The following DHX35 variants were observed in gnomAD, a reference collection of about 807,000 sequenced individuals.
DHX35 encodes DEAH-box helicase 35, also known as probable ATP-dependent RNA helicase DHX35.
A neutral mutation model predicts 99.6 loss-of-function variants in DHX35; 84 were observed. The ratio of observed to expected loss-of-function variants is 0.84; its 90% CI spans 0.71 to 1.01. DHX35 has a LOEUF of 1.01. DHX35 is among the 50% of genes least tolerant of loss of function. The pLI is 0.00. For missense variants in DHX35, 852 were observed against 888.5 expected, an observed-to-expected ratio of 0.96 and a Z score of 0.52; for synonymous variants, 331 against 316.2, an observed-to-expected ratio of 1.05 and a Z score of -0.50.
At chr20:39,021,532 G>C (rs1474920156) in intron 15 of DHX35, among the ~76,000 whole-genome samples, 2 of 152,000 alleles carry the variant, frequency 1.3e-5, no homozygotes, top group African/African-American at 2.4e-5. Flanking sequence ...GTCTTGTGCT[G>C]TCACCCTGGC....
At chr20:39,006,916 A>G (rs1219767877) in intron 12 of DHX35, among the ~76,000 whole-genome samples, 1 of 152,186 alleles carries the variant, frequency 6.6e-6, no homozygotes. Flanking sequence ...GCCTTTCTGG[A>G]GCTTTCTATC....
chr20:39,002,626 A>T, intron 9 of DHX35, 146 bp from the exon 10 acceptor site: 1 of 580,752 alleles, frequency 1.7e-6, no homozygotes. Context: ...AAAAAAATGA[A>T]TATTTATTTT....
chr20:39,030,657 A>G lies in DHX35; in HGVS notation c.1884-47A>G, dbSNP rs530556462. The G allele has an allele frequency of 2.5e-4, 381 of 1,547,790 alleles. 9 individuals are homozygous for G. The South Asian group carries it at 3.8e-3, about 16-fold the overall frequency. On this transcript the variant is annotated intron_variant, in intron 19 of 21. Transcript: ENST00000252011. ...AAAATATCTGTGGGAAAGTCTTGCT[A>G]TAAGTATTTAAAATGTGCTTCAGAC... is the stretch of plus-strand genomic sequence containing the variant.
intron 10 of DHX35, among the ~76,000 whole-genome samples, chr20:39,003,543 T>C (rs531449788): frequency 6.6e-6 from 1 of 152,348 alleles, no homozygotes; most frequent in African/African-American, 2.4e-5. Context: ...TAACTAATAG[T>C]GTAGTTGCAA....
intron 1 of DHX35, chr20:38,962,827 A>G (rs754412135): frequency 8.1e-5 from 16 of 197,224 alleles, no homozygotes; most frequent in Non-Finnish European, 1.4e-4. Context: ...CCGGGTTCGA[A>G]TTTTCGTCTC....
chr20:38,964,392 G>T, intron 1 of DHX35, among the ~76,000 whole-genome samples: 1 of 152,118 alleles, frequency 6.6e-6, no homozygotes, highest in Admixed American at 6.6e-5. Context: ...AGGTCTTCAT[G>T]ACAAGTTAAA....
chr20:39,037,379 A>G (rs768360636), intron 21 of DHX35, among the ~76,000 whole-genome samples: 6 of 152,206 alleles, frequency 3.9e-5, no homozygotes, highest in Non-Finnish European at 7.3e-5. Context: ...AGGCCTTTGC[A>G]AGAGCCTGTA....
chr20:39,031,658 G>A (rs1205937571), intron 20 of DHX35, among the ~76,000 whole-genome samples: 2 of 152,170 alleles, frequency 1.3e-5, no homozygotes, highest in Non-Finnish European at 2.9e-5. Context: ...TTTTGACATA[G>A]GGACAGACAC....
Position 39,001,855 on chromosome 20 carries a change from T to C in DHX35, c.755+13T>C. On this transcript the variant is annotated intron_variant, in intron 9 of 21. Coordinates refer to ENST00000252011, the MANE Select transcript of DHX35 (RefSeq NM_021931.4). ...TTTATCTACAAAGGTTTGATGATGC[T>C]TGAATTCTGGATGATGGTGTTTAGA... The C allele has an allele frequency of 6.3e-7, 1 of 1,577,842 alleles. No individual in the cohort carries two copies. The highest frequency in any genetic ancestry group is 8.7e-7 in the Non-Finnish European group (1 of 1,150,414).
intron 4 of DHX35, among the ~76,000 whole-genome samples, chr20:38,984,112 A>G (rs1466035401): frequency 6.6e-6 from 1 of 151,742 alleles, no homozygotes; most frequent in African/African-American, 2.4e-5. Flanking sequence ...GGGTTTCACC[A>G]TGTTGGCCAG....
At chr20:38,999,054 C>T (rs2086475178) in intron 8 of DHX35, among the ~76,000 whole-genome samples, 1 of 152,144 alleles carries the variant, frequency 6.6e-6, no homozygotes, top group Non-Finnish European at 1.5e-5. Context: ...CCGCCTTGGC[C>T]TCCCAAAGTG....
At chr20:39,032,870 G>A (rs905148903) in intron 20 of DHX35, among the ~76,000 whole-genome samples, 9 of 152,170 alleles carry the variant, frequency 5.9e-5, no homozygotes, top group African/African-American at 2.2e-4. Context: ...AGTTGCTTAG[G>A]TTGAAAGCAC....
At chr20:38,989,966 T>C (rs565285847) in intron 5 of DHX35, among the ~76,000 whole-genome samples, 3 of 152,310 alleles carry the variant, frequency 2.0e-5, no homozygotes, top group South Asian at 2.1e-4. Flanking sequence ...CAGAGGAAAA[T>C]TGAAAATCAG....
At position 39,001,780 on chromosome 20, in the gene DHX35, T is replaced by A. The variant is rs150629794; in HGVS notation, c.693T>A (p.Asp231Glu). ...ATGAAACCAGTGATCCAGCAAGGGATACATGTGTGATCCTTACAGTGGAAG... is the reference window on the plus strand; with the variant it reads ...ATGAAACCAGTGATCCAGCAAGGGAAACATGTGTGATCCTTACAGTGGAAG... ...NQNETSDPAR[D>E]TCVILTVEGR... The change falls in exon 9 of 22, where the codon GAT becomes GAA. Residue 231 changes from aspartate to glutamate, a missense_variant. Physicochemically the swap from Asp to Glu is conservative, Grantham distance 45. Coordinates refer to ENST00000252011, the MANE Select transcript of DHX35 (RefSeq NM_021931.4). The A allele has an allele frequency of 1.3e-4, 216 of 1,613,604 alleles. No individual in the cohort carries two copies. The highest frequency in any genetic ancestry group is 1.7e-4 in the Non-Finnish European group (206 of 1,179,930).
intron 2 of DHX35, among the ~76,000 whole-genome samples, chr20:38,972,243 C>T (rs8124842): frequency 6.5e-4 from 99 of 152,184 alleles, no homozygotes; most frequent in African/African-American, 2.3e-3. Flanking sequence ...CTCCTGACCT[C>T]ATGATCCACC....
At chr20:39,032,758 T>C (rs1360300942) in intron 20 of DHX35, among the ~76,000 whole-genome samples, 2 of 152,204 alleles carry the variant, frequency 1.3e-5, no homozygotes, top group Non-Finnish European at 2.9e-5. Flanking sequence ...TAGGACTCCA[T>C]TTTAACAAGC....
At chr20:39,030,438 C>T in intron 19 of DHX35, 1 of 472,734 alleles carries the variant, frequency 2.1e-6, no homozygotes, top group South Asian at 2.7e-5. Flanking sequence ...TAAACATAGG[C>T]AGAGCATTTT....
At chr20:39,020,987 C>T (rs2086863986) in intron 15 of DHX35, among the ~76,000 whole-genome samples, 1 of 152,052 alleles carries the variant, frequency 6.6e-6, no homozygotes, top group African/African-American at 2.4e-5. Context: ...TAAGTGTGGA[C>T]TGGGGAAGTG....
At chr20:39,004,257 G>T (rs995811323) in intron 11 of DHX35, among the ~76,000 whole-genome samples, 8 of 152,032 alleles carry the variant, frequency 5.3e-5, no homozygotes, top group Non-Finnish European at 1.2e-4. Flanking sequence ...AGTAGAGACG[G>T]GGTTTCACTA....
Sources: gnomAD v4.1 joint callset for allele counts (sites outside exome capture counted in the v4.1 genomes callset) on GRCh38, gnomAD v4.1.1 for gene constraint, MANE v1.5 for transcripts, NCBI Gene and HGNC (gene_info 2026-07-23, HGNC 2026-07-21) for gene names.